TC2N: variants seen among roughly 807,000 people sequenced by gnomAD.
TC2N encodes tandem C2 domains nuclear protein.
A neutral mutation model predicts 61.9 loss-of-function variants in TC2N; 51 were observed. The ratio of observed to expected loss-of-function variants is 0.82; its 90% confidence interval spans 0.66 to 1.04. The LOEUF (loss-of-function observed/expected upper bound fraction) is 1.04, where lower values mean the gene tolerates loss of function less well. Among genes scored for constraint, TC2N ranks in the 50% least tolerant of loss-of-function variants. The pLI, the probability that TC2N is intolerant of heterozygous loss-of-function variation, is 0.00. For missense variants in TC2N, 556 were observed against 566.7 expected (o/e 0.98, Z 0.19); for synonymous variants, 204 against 192.6 (o/e 1.06, Z -0.49).
rs570872512 is a variant in TC2N, at chr14:91,784,252, C to A, written c.1362+910G>T. The stretch of plus-strand genomic sequence containing the variant: ...CGTTAAGTTGAGGCTCGATGATATA[C>A]GAAAACTTTAACTGAATTGACTTCA... On this transcript the variant is annotated intron_variant, in intron 11 of 11. Coordinates refer to ENST00000435962, the MANE Select transcript of TC2N (RefSeq NM_001128596.3). 3.3e-5 allele frequency among the ~76,000 whole-genome samples: 5 copies of A among 152,140 alleles called. No homozygotes were observed. In the South Asian group the frequency reaches 8.3e-4, roughly 25 times the overall value.
chr14:91,842,730 G>A (rs996976235), intron 1 of TC2N, among the ~76,000 whole-genome samples: 28 of 152,132 alleles, frequency 1.8e-4, no homozygotes, highest in Non-Finnish European at 2.4e-4. Context: ...AATATTGAGC[G>A]TTAGCGTTGA....
intron 11 of TC2N, among the ~76,000 whole-genome samples, chr14:91,784,286 T>C (rs1024459623): frequency 6.6e-6 from 1 of 152,154 alleles, no homozygotes; most frequent in Admixed American, 6.6e-5. Flanking sequence ...CATAAAGGCT[T>C]AATGGTCTTC....
chr14:91,854,619 G>T (rs568144276), intron 1 of TC2N, among the ~76,000 whole-genome samples: 1 of 152,260 alleles, frequency 6.6e-6, no homozygotes, highest in South Asian at 2.1e-4. Flanking sequence ...GAAAGACTAA[G>T]GGTTGTCTTT....
chr14:91,845,924 AG>A (rs1469916210), intron 1 of TC2N, among the ~76,000 whole-genome samples: 3 of 152,192 alleles, frequency 2.0e-5, no homozygotes, highest in Non-Finnish European at 4.4e-5. Flanking sequence ...GTTTTCTGGG[AG>A]AGGAATCTGA....
At chr14:91,795,961 T>C (rs1404315976) in intron 8 of TC2N, among the ~76,000 whole-genome samples, 1 of 152,104 alleles carries the variant, frequency 6.6e-6, no homozygotes, top group African/African-American at 2.4e-5. Context: ...GCAAGTGTGA[T>C]GCTTCATTTC....
At position 91,780,488 on chromosome 14, in the gene TC2N, C is replaced by T. The variant is rs951555283; in HGVS notation, c.*2612G>A. Reference sequence around the variant, plus strand: ...AGAGGCCATTTCCCTAGGAGTACTGCTTTTAAAAATCATGCAAAACAAAAG... The same window carrying T: ...AGAGGCCATTTCCCTAGGAGTACTGTTTTTAAAAATCATGCAAAACAAAAG... On this transcript the variant is annotated 3_prime_UTR_variant, in exon 12 of 12. Transcript: ENST00000435962. 6.6e-6 allele frequency: 1 copy of T among 152,160 alleles called. No homozygotes were observed. The highest frequency in any genetic ancestry group is 1.5e-5 in the Non-Finnish European group (1 of 68,016). The allele number at this position is 152,160 out of a possible 1,614,324, so 9.4% of individuals were successfully genotyped here. A position where few individuals can be genotyped will look rare whatever the true frequency, so the allele number is the denominator to read the frequency against.
Position 91,785,420 on chromosome 14 carries a change from G to A in TC2N, c.1163-59C>T, listed in dbSNP as rs1595217548. ...TATTCAAAATACCATATAAAGATGT[G>A]TATATACACATCCAAGTTGGAATAT... On this transcript the variant is annotated intron_variant, in intron 10 of 11. Transcript: ENST00000435962. 8.9e-6 allele frequency: 11 copies of A among 1,242,084 alleles called. No homozygotes were observed. In the East Asian group the frequency reaches 2.6e-4, roughly 29 times the overall value. 76.9% of individuals were successfully genotyped at this position (1,242,084 alleles called of 1,614,324 possible).
At chr14:91,785,862 T>C (rs1000490515) in intron 10 of TC2N, among the ~76,000 whole-genome samples, 3 of 152,028 alleles carry the variant, frequency 2.0e-5, no homozygotes, top group Admixed American at 6.6e-5. Flanking sequence ...TAAACAACTA[T>C]TATAAACTTT....
chr14:91,802,113 G>A (rs779184337), intron 4 of TC2N, 141 bp downstream of exon 4: 15 of 655,186 alleles, frequency 2.3e-5, no homozygotes, highest in South Asian at 1.6e-4. Flanking sequence ...ATGTCATAAC[G>A]TTTATCACAT....
intron 8 of TC2N, among the ~76,000 whole-genome samples, 184 bp from the exon 9 acceptor site, chr14:91,792,742 T>C (rs1318578072): frequency 6.6e-6 from 1 of 152,192 alleles, no homozygotes; most frequent in African/African-American, 2.4e-5. Context: ...TCCTGGGTTC[T>C]ACCTTTCTTA....
intron 1 of TC2N, among the ~76,000 whole-genome samples, chr14:91,847,481 T>G (rs1888293964): frequency 6.6e-6 from 1 of 152,186 alleles, no homozygotes; most frequent in Admixed American, 6.5e-5. Flanking sequence ...TATCTTTGTG[T>G]GCTTACTCTT....
intron 1 of TC2N, among the ~76,000 whole-genome samples, chr14:91,844,858 A>G (rs942764495): frequency 2.6e-5 from 4 of 152,088 alleles, no homozygotes; most frequent in Non-Finnish European, 5.9e-5. Context: ...TAGTACATCA[A>G]CATACTTGGG....
intron 10 of TC2N, among the ~76,000 whole-genome samples, chr14:91,786,895 T>C (rs1181535876): frequency 2.0e-5 from 3 of 152,210 alleles, no homozygotes; most frequent in South Asian, 2.1e-4. Flanking sequence ...TCTAATTTCT[T>C]TGGGTTTGTT....
In TC2N at chr14:91,792,394, C is replaced by G. The variant is rs374402889; in HGVS notation, c.1020G>C (p.Leu340Phe). The change falls in exon 9 of 12, where the codon TTG (leucine) becomes TTC (phenylalanine). Residue 340 changes from leucine to phenylalanine, a missense_variant. Transcript: ENST00000435962. ...AAATTTTTGAAGGTGGTGTTATATCCAAAGAGTAATCCATTTCCTGTGTGC... is the reference window on the plus strand; with the variant it reads ...AAATTTTTGAAGGTGGTGTTATATCGAAAGAGTAATCCATTTCCTGTGTGC... ...TLSTQEMDYS[L>F]DITPPSKISV... 12 of 1,600,784 alleles carry G rather than the reference C, an allele frequency of 7.5e-6. No homozygotes were observed. The highest frequency in any genetic ancestry group is 9.4e-6 in the Non-Finnish European group (11 of 1,173,048).
rs1485961242 is a variant in TC2N, at chr14:91,798,324, T to C, written c.713A>G (p.Glu238Gly). 6.3e-7 allele frequency: 1 copy of C among 1,585,196 alleles called. No homozygotes were observed. The highest frequency in any genetic ancestry group is 8.6e-7 in the Non-Finnish European group (1 of 1,160,940). Residue 238 changes from glutamate to glycine, a missense_variant, in exon 7 of 12, where the codon GAA (glutamate) becomes GGA (glycine). Coordinates refer to ENST00000435962, the MANE Select transcript of TC2N (RefSeq NM_001128596.3). ...NVKLFYNSSV[E>G]QIWITVLQCR... Reference sequence around the variant, plus strand: ...CTGTAAAACTGTGATCCAGATCTGTTCTACTGAAGAATTATAAAACAATTT... The same window carrying C: ...CTGTAAAACTGTGATCCAGATCTGTCCTACTGAAGAATTATAAAACAATTT...
At position 91,812,396 on chromosome 14, in the gene TC2N, C is replaced by G. The variant is rs565871926; in HGVS notation, c.217G>C (p.Val73Leu). 6.2e-7 allele frequency: 1 copy of G among 1,612,766 alleles called. No homozygotes were observed. The highest frequency in any genetic ancestry group is 1.3e-5 in the African/African-American group (1 of 74,938). Residue 73 changes from valine to leucine, a missense_variant, in exon 3 of 12, where the codon GTA becomes CTA. Val to Leu is a conservative substitution (Grantham distance 32). Transcript: ENST00000435962. ...TTAAACTTGGGCACCACAAATGGTA[C>G]TTCTTTGCCATCAGATGGTAATTTG... is the stretch of plus-strand genomic sequence containing the variant. The part of the protein sequence containing the change: ...LSKLPSDGKE[V>L]PFVVPKFKLS...
At position 91,781,997 on chromosome 14, in the gene TC2N, T is replaced by G. The variant is rs1334822088; in HGVS notation, c.*1103A>C. On this transcript the variant is annotated 3_prime_UTR_variant, in exon 12 of 12. Coordinates refer to ENST00000435962, the MANE Select transcript of TC2N (RefSeq NM_001128596.3). ...AGGGAAGACTGAGAACACAGAGCAC[T>G]TAGTCTACTTATTAGCAAAAATAAA... 1 of 152,038 alleles carries G rather than the reference T, an allele frequency of 6.6e-6. No individual in the cohort carries two copies. Among genetic ancestry groups the G allele is most frequent in the Admixed American group, 6.6e-5 (1 of 15,258 alleles). The allele number at this position is 152,038 out of a possible 1,614,324, so 9.4% of individuals were successfully genotyped here. A position where few individuals can be genotyped will look rare whatever the true frequency, so the allele number is the denominator to read the frequency against.
chr14:91,806,260 A>G (rs910811261), intron 3 of TC2N, among the ~76,000 whole-genome samples: 1 of 152,152 alleles, frequency 6.6e-6, no homozygotes, highest in African/African-American at 2.4e-5. Flanking sequence ...AAAATGGACT[A>G]ATATAGTAAA....
intron 11 of TC2N, among the ~76,000 whole-genome samples, chr14:91,784,382 C>T (rs781743330): frequency 5.3e-5 from 8 of 151,942 alleles, no homozygotes; most frequent in Admixed American, 3.3e-4. Context: ...TAGTATTTTA[C>T]GTAAAAATAT....
Sources: gnomAD v4.1 joint callset for allele counts (sites outside exome capture counted in the v4.1 genomes callset) on GRCh38, gnomAD v4.1.1 for gene constraint, MANE v1.5 for transcripts, NCBI Gene and HGNC (gene_info 2026-07-23, HGNC 2026-07-21) for gene names.